The following C16orf96 variants were observed in gnomAD, a reference collection of about 807,000 sequenced individuals.
The protein encoded by C16orf96 is uncharacterized protein C16orf96.
A neutral mutation model predicts 103.6 loss-of-function variants in C16orf96; 108 were observed. The observed-to-expected ratio is 1.04, with a 90% CI of 0.89 to 1.22. The LOEUF (loss-of-function observed/expected upper bound fraction) is 1.22. C16orf96 is among the 50% of genes most tolerant of loss of function. The pLI is 0.00. For missense variants in C16orf96, 1,586 were observed against 1,464.2 expected (o/e 1.08, Z -1.36); for synonymous variants, 566 against 593.5 (o/e 0.95, Z 0.67).
At chr16:4,579,184 A>C (rs2059551442) in intron 6 of C16orf96, among the ~76,000 whole-genome samples, 159 bp downstream of exon 6, 1 of 117,774 alleles carries the variant, frequency 8.5e-6, no homozygotes, top group African/African-American at 3.0e-5. Flanking sequence ...CTGCCTCTCA[A>C]AGCTGATTCA....
intron 1 of C16orf96, among the ~76,000 whole-genome samples, chr16:4,557,524 A>G (rs1204852104): frequency 5.9e-5 from 9 of 152,142 alleles, no homozygotes; most frequent in Admixed American, 5.2e-4. Context: ...AATGGGGAGT[A>G]ATTGCTTTGT....
rs904739255 is a variant in C16orf96, at chr16:4,600,632, G to A, written c.*315G>A. 7 of 404,828 alleles carry A rather than the reference G, an allele frequency of 1.7e-5. No individual in the cohort carries two copies. The Admixed American group carries it at 1.9e-4, about 11-fold the overall frequency. 25.1% of individuals were successfully genotyped at this position (404,828 alleles called of 1,614,324 possible). On this transcript the variant is annotated 3_prime_UTR_variant, in exon 16 of 16. Transcript: ENST00000444310. ...AGGGTGCTGGGGCCCTGGATAGAGGGGAGGGGTCTGTGTAGGGGACCCCCA... is the reference window on the plus strand; with the variant it reads ...AGGGTGCTGGGGCCCTGGATAGAGGAGAGGGGTCTGTGTAGGGGACCCCCA...
intron 5 of C16orf96, among the ~76,000 whole-genome samples, chr16:4,578,323 A>G (rs1012208520): frequency 5.3e-5 from 8 of 152,078 alleles, no homozygotes; most frequent in African/African-American, 1.9e-4. Context: ...TCGTATTTTT[A>G]GTAGAGATGG....
chr16:4,583,574 G>T (rs1186703309), intron 7 of C16orf96, among the ~76,000 whole-genome samples: 4 of 152,018 alleles, frequency 2.6e-5, no homozygotes. Context: ...ATTACCAATA[G>T]TTAAAGAAGA....
intron 2 of C16orf96, among the ~76,000 whole-genome samples, chr16:4,572,338 T>A: frequency 7.3e-6 from 1 of 136,616 alleles, no homozygotes; most frequent in Non-Finnish European, 1.5e-5. Context: ...CTCGCTCTGT[T>A]GCCCAGGCTG....
chr16:4,584,136 A>G (rs1416917873), intron 7 of C16orf96, among the ~76,000 whole-genome samples: 1 of 152,106 alleles, frequency 6.6e-6, no homozygotes, highest in African/African-American at 2.4e-5. Context: ...TGGGAGCAAG[A>G]TCTCATGACT....
At chr16:4,589,540 T>G (rs1399699489) in intron 9 of C16orf96, among the ~76,000 whole-genome samples, 1 of 150,742 alleles carries the variant, frequency 6.6e-6, no homozygotes, top group East Asian at 2.0e-4. Flanking sequence ...ATCGTGCCAC[T>G]GCACTCCAGC....
the C16orf96 span, among the ~76,000 whole-genome samples, chr16:4,540,678 G>C: frequency 6.6e-6 from 1 of 151,834 alleles, no homozygotes; most frequent in African/African-American, 2.4e-5. Flanking sequence ...AGTGAGCCAA[G>C]ATCACACCAC....
chr16:4,548,437 A>T, the C16orf96 span, among the ~76,000 whole-genome samples: 1 of 152,212 alleles, frequency 6.6e-6, no homozygotes, highest in Admixed American at 6.5e-5. Context: ...TAGGCCCGGG[A>T]CATCTTCAGT....
chr16:4,594,645 A>G, intron 13 of C16orf96, 59 bp from the exon 14 acceptor site: 1 of 1,544,764 alleles, frequency 6.5e-7, no homozygotes, highest in Non-Finnish European at 8.8e-7. Context: ...GCGTGTACCA[A>G]AGTTCGGGGG....
intron 1 of C16orf96, among the ~76,000 whole-genome samples, chr16:4,570,310 A>G (rs1030496961): frequency 6.6e-6 from 1 of 152,086 alleles, no homozygotes; most frequent in Non-Finnish European, 1.5e-5. Context: ...CGTGCTTTTC[A>G]GTTACACTTT....
chr16:4,574,283 C>T (rs150888940), intron 2 of C16orf96, among the ~76,000 whole-genome samples: 102 of 152,148 alleles, frequency 6.7e-4, no homozygotes, highest in African/African-American at 2.1e-3. Context: ...AGTGCAGTGG[C>T]GCCATCTCAG....
chr16:4,580,197 C>T, intron 7 of C16orf96, 72 bp downstream of exon 7: 3 of 1,231,532 alleles, frequency 2.4e-6, no homozygotes, highest in Middle Eastern at 2.1e-4. Context: ...TCTGGCCCTT[C>T]CCGAAGGTTC....
At chr16:4,548,725 TAGTC>T in the C16orf96 span, among the ~76,000 whole-genome samples, 4 of 151,780 alleles carry the variant, frequency 2.6e-5, no homozygotes, top group African/African-American at 9.7e-5. Flanking sequence ...ATACAAAAAT[TAGTC>T]AGGCGTGGTG....
rs781264596 is a variant in C16orf96, at chr16:4,599,204, A to G, written c.3128-80A>G. 5.6e-6 allele frequency: 7 copies of G among 1,254,148 alleles called. No homozygotes were observed. In the East Asian group the frequency reaches 1.0e-4, roughly 18 times the overall value. The allele number at this position is 1,254,148 out of a possible 1,614,324, so 77.7% of individuals were successfully genotyped here. Reference sequence around the variant, plus strand: ...ATGGGGTTGGTCCCACCAGAGGGAGACTGCCCAGTGCTGGGATCGGCCTGA... The same window carrying G: ...ATGGGGTTGGTCCCACCAGAGGGAGGCTGCCCAGTGCTGGGATCGGCCTGA... On this transcript the variant is annotated intron_variant, in intron 14 of 15. Transcript: ENST00000444310.
At chr16:4,582,633 G>A (rs2031377646) in intron 7 of C16orf96, among the ~76,000 whole-genome samples, 1 of 152,104 alleles carries the variant, frequency 6.6e-6, no homozygotes, top group Non-Finnish European at 1.5e-5. Context: ...GTGCACCACT[G>A]GCCAGGAACC....
rs184539266 is a variant in C16orf96 at position 4,565,172 on chromosome 16, A to T, written c.421-6389A>T. Among the ~76,000 whole-genome samples the T allele has an allele frequency of 2.4e-4, 36 of 151,582 alleles. 2 individuals are homozygous for T. Among genetic ancestry groups the T allele is most frequent in the Admixed American group, 2.0e-3 (31 of 15,198 alleles). On this transcript the variant is annotated intron_variant, in intron 1 of 15. Coordinates refer to ENST00000444310, the MANE Select transcript of C16orf96 (RefSeq NM_001145011.2). ...CCCCAGCATCCTTAAAGCCCTCTTG[A>T]GAGAGAGAGAGAGCAGGTTTGGACA...
At chr16:4,566,033 T>C (rs913549228) in intron 1 of C16orf96, among the ~76,000 whole-genome samples, 2 of 152,094 alleles carry the variant, frequency 1.3e-5, no homozygotes, top group African/African-American at 4.8e-5. Context: ...TGTAGAGATG[T>C]GGTCTTGCTG....
the C16orf96 span, among the ~76,000 whole-genome samples, chr16:4,548,564 G>A: frequency 1.1e-4 from 16 of 152,214 alleles, no homozygotes; most frequent in East Asian, 1.7e-3. Context: ...GAACTTTTGC[G>A]CCTAAAAGTA....
Sources: allele counts gnomAD v4.1 joint callset (sites outside exome capture counted in the v4.1 genomes callset), GRCh38; gene constraint gnomAD v4.1.1; transcripts MANE v1.5; gene names NCBI Gene and HGNC (gene_info 2026-07-23, HGNC 2026-07-21).